RNF17: variants seen among roughly 807,000 people sequenced by gnomAD.
RNF17 encodes ring finger protein 17, also known as spermatogenesis associated 23.
Under a neutral mutation model 200.5 loss-of-function variants are expected in RNF17, and 31 were observed. The observed-to-expected ratio is 0.15, with a 90% confidence interval of 0.12 to 0.21. The LOEUF (loss-of-function observed/expected upper bound fraction) is 0.21. RNF17 is among the 10% of genes least tolerant of loss of function. The probability of loss-of-function intolerance (pLI) is 1.00; values close to 1 mark genes in which losing one functional copy is unlikely to be tolerated. For synonymous variants in RNF17, 606 were observed against 637.8 expected, an observed-to-expected ratio of 0.95 and a Z score of 0.75; for missense variants, 1,628 against 1,905.1, an observed-to-expected ratio of 0.85 and a Z score of 2.71.
intron 15 of RNF17, among the ~76,000 whole-genome samples, chr13:24,822,641 G>A (rs748699972): frequency 6.6e-6 from 1 of 152,090 alleles, no homozygotes; most frequent in Non-Finnish European, 1.5e-5. Flanking sequence ...GGCTGGTCTC[G>A]AACTTCTGAC....
downstream of RNF17, among the ~76,000 whole-genome samples, chr13:24,882,132 AGATAGATACATC>A (rs1252319753): frequency 1.0e-3 from 5 of 4,934 alleles, 1 homozygote; most frequent in Non-Finnish European, 8.1e-3. Context: ...ACATCTATAT[AGATAGATACATC>A]TATATAGATA....
intron 16 of RNF17, among the ~76,000 whole-genome samples, chr13:24,826,937 G>A (rs1485041895): frequency 1.3e-5 from 2 of 151,984 alleles, no homozygotes; most frequent in African/African-American, 4.8e-5. Context: ...GTGCATGCCT[G>A]TAGTCCTAGT....
Position 24,801,385 on chromosome 13 carries a change from G to A in RNF17, c.1758+851G>A, listed in dbSNP as rs540755152. 5.3e-5 allele frequency among the ~76,000 whole-genome samples: 8 copies of A among 152,290 alleles called. No homozygotes were observed. The South Asian group carries it at 1.7e-3, about 32-fold the overall frequency. The stretch of plus-strand genomic sequence containing the variant: ...TGGCTGGTTTTGGTGGCCCAAGGCT[G>A]TAATTCCAGCACTTTGGGAGGCCGA... On this transcript the variant is annotated intron_variant, in intron 13 of 35. Coordinates refer to ENST00000255324, the MANE Select transcript of RNF17 (RefSeq NM_031277.3).
chr13:24,855,215 G>A (rs908802332), intron 25 of RNF17, among the ~76,000 whole-genome samples: 11 of 151,800 alleles, frequency 7.2e-5, no homozygotes, highest in Admixed American at 2.6e-4. Context: ...CTGTTCTATT[G>A]ATAGACACAT....
At chr13:24,874,348 T>A in intron 33 of RNF17, 99 bp downstream of exon 33, 1 of 976,592 alleles carries the variant, frequency 1.0e-6, no homozygotes, top group Non-Finnish European at 1.4e-6. Flanking sequence ...AAAGGGTTAT[T>A]CTAAGGCTGT....
At chr13:24,782,202 G>A (rs1170728177) in intron 6 of RNF17, among the ~76,000 whole-genome samples, 2 of 152,096 alleles carry the variant, frequency 1.3e-5, no homozygotes, top group Non-Finnish European at 2.9e-5. Context: ...TTGAGACAGG[G>A]TCTTGCTCTG....
At chr13:24,821,877 GTT>G in intron 15 of RNF17, among the ~76,000 whole-genome samples, 1 of 152,020 alleles carries the variant, frequency 6.6e-6, no homozygotes, top group African/African-American at 2.4e-5. Context: ...TAATGAAGCC[GTT>G]TCTTTGTCAT....
intron 30 of RNF17, among the ~76,000 whole-genome samples, chr13:24,867,591 T>C (rs1025408943): frequency 6.6e-6 from 1 of 152,230 alleles, no homozygotes; most frequent in African/African-American, 2.4e-5. Flanking sequence ...CAGTTTGAAA[T>C]GTTAAATAGT....
intron 15 of RNF17, among the ~76,000 whole-genome samples, chr13:24,821,789 A>G (rs987045863): frequency 6.6e-6 from 1 of 152,170 alleles, no homozygotes; most frequent in African/African-American, 2.4e-5. Context: ...AACATATTTA[A>G]GACAGTTGAG....
intron 32 of RNF17, among the ~76,000 whole-genome samples, chr13:24,871,434 T>G (rs557301773): frequency 5.9e-5 from 9 of 152,046 alleles, no homozygotes; most frequent in Non-Finnish European, 1.2e-4. Context: ...TGCTCCCAGG[T>G]TTAAGCGATT....
In RNF17 at chr13:24,810,693, G is replaced by C. The variant is rs1396930605; in HGVS notation, c.2091+6264G>C. Among the ~76,000 whole-genome samples the C allele has an allele frequency of 1.3e-4, 19 of 144,916 alleles. 1 individual carries two copies. The highest frequency in any genetic ancestry group is 2.4e-4 in the Non-Finnish European group (16 of 66,354). On this transcript the variant is annotated intron_variant, in intron 15 of 35. Coordinates refer to ENST00000255324, the MANE Select transcript of RNF17 (RefSeq NM_031277.3). ...ATTTGATCCTGTCATTATGATGTTA[G>C]CTGGTTATTTTGCTCGTTAGTTGAT...
At chr13:24,881,206 G>T (rs56080811), downstream of RNF17, among the ~76,000 whole-genome samples, 5 of 151,734 alleles carry the variant, frequency 3.3e-5, no homozygotes, top group Non-Finnish European at 5.9e-5. Context: ...GAGTGCAGTG[G>T]CATGGTCTCA....
chr13:24,881,867 GATACATCT>G (rs1953839294), downstream of RNF17, among the ~76,000 whole-genome samples: 1 of 105,234 alleles, frequency 9.5e-6, no homozygotes, highest in Admixed American at 1.1e-4. Flanking sequence ...TAGATATATA[GATACATCT>G]ATATAGATAT....
At chr13:24,792,414 T>TA (rs141212526) in intron 9 of RNF17, among the ~76,000 whole-genome samples, 3,131 of 147,684 alleles carry the variant, frequency 0.021, 90 homozygotes, top group African/African-American at 0.068. Flanking sequence ...GGGTAATCTG[T>TA]AAAAAAAAAA....
chr13:24,846,616 TG>T (rs368541749), intron 22 of RNF17, among the ~76,000 whole-genome samples: 30 of 152,324 alleles, frequency 2.0e-4, no homozygotes, highest in African/African-American at 7.0e-4. Context: ...TCCAAACTTT[TG>T]GTTTCTCTGG....
chr13:24,773,238 A>G (rs1184142222), intron 2 of RNF17, among the ~76,000 whole-genome samples: 2 of 152,258 alleles, frequency 1.3e-5, no homozygotes, highest in Non-Finnish European at 2.9e-5. Flanking sequence ...TCTGCCAAAA[A>G]GATACCTGTA....
At chr13:24,838,603 A>G (rs1294603229) in intron 18 of RNF17, among the ~76,000 whole-genome samples, 1 of 152,200 alleles carries the variant, frequency 6.6e-6, no homozygotes, top group Non-Finnish European at 1.5e-5. Flanking sequence ...CAGAAAAAGC[A>G]TTCAACAAAA....
chr13:24,884,306 C>T (rs1953945797), downstream of RNF17: 1 of 1,614,008 alleles, frequency 6.2e-7, no homozygotes, highest in Non-Finnish European at 8.5e-7. Context: ...TGGAGGAGAA[C>T]ACCTCTGGAA....
At position 24,855,199 on chromosome 13, in the gene RNF17, C is replaced by T. The variant is rs181974897; in HGVS notation, c.3610+1055C>T. 9.2e-5 allele frequency among the ~76,000 whole-genome samples: 14 copies of T among 152,144 alleles called. No homozygotes were observed. The East Asian group carries it at 2.5e-3, about 27-fold the overall frequency. On this transcript the variant is annotated intron_variant, in intron 25 of 35. Transcript: ENST00000255324. Reference sequence around the variant, plus strand: ...AGCATTTCCATGAATGATTATGTCTCGGTATCTGTTCTATTGATAGACACA... The same window carrying T: ...AGCATTTCCATGAATGATTATGTCTTGGTATCTGTTCTATTGATAGACACA...
Sources: gnomAD v4.1 joint callset for allele counts (sites outside exome capture counted in the v4.1 genomes callset) on GRCh38, gnomAD v4.1.1 for gene constraint, MANE v1.5 for transcripts, NCBI Gene and HGNC (gene_info 2026-07-23, HGNC 2026-07-21) for gene names.